Variants in DMD observed in about 807,000 individuals in gnomAD.
The protein encoded by DMD is dystrophin, also known as mutant dystrophin.
In DMD, 63 loss-of-function variants were observed where a neutral mutation model predicts 330.1. The ratio of observed to expected loss-of-function variants is 0.19; its 90% confidence interval spans 0.16 to 0.24. The LOEUF (loss-of-function observed/expected upper bound fraction) is 0.24. DMD is among the 10% of genes least tolerant of loss of function. DMD has a pLI of 1.00. For synonymous variants in DMD, 1,223 were observed against 959.8 expected (o/e 1.27, Z -5.07); for missense variants, 3,344 against 2,684.1 (o/e 1.25, Z -5.43).
At chrX:31,715,319 C>G (rs1314761383) in intron 52 of DMD, among the ~76,000 whole-genome samples, 2 of 107,011 alleles carry the variant, frequency 1.9e-5, no homozygotes, top group East Asian at 3.0e-4. Context: ...CCGAGACGGG[C>G]GGATCACGAG....
At chrX:32,595,505 C>A (rs761019336) in intron 13 of DMD, among the ~76,000 whole-genome samples, 2 of 111,213 alleles carry the variant, frequency 1.8e-5, no homozygotes, top group Non-Finnish European at 3.8e-5. Flanking sequence ...GCTTCCCAGC[C>A]TTATTTAATA....
At chrX:33,279,800 A>G (rs2053295094) in intron 1 of DMD, among the ~76,000 whole-genome samples, 1 of 110,791 alleles carries the variant, frequency 9.0e-6, no homozygotes, top group Non-Finnish European at 1.9e-5. Flanking sequence ...CCATTTTACT[A>G]ATGGTTGTTG....
chrX:32,404,632 T>C (rs930216239), intron 30 of DMD, among the ~76,000 whole-genome samples: 1 of 111,557 alleles, frequency 9.0e-6, no homozygotes, highest in Non-Finnish European at 1.9e-5. Flanking sequence ...CAGGTGCCCA[T>C]GTTGGGTTGT....
intron 1 of DMD, among the ~76,000 whole-genome samples, chrX:33,029,981 C>G (rs1489296550): frequency 9.0e-6 from 1 of 111,403 alleles, no homozygotes. Flanking sequence ...GTCAAATAAC[C>G]TGAGTTCCAA....
intron 44 of DMD, among the ~76,000 whole-genome samples, chrX:32,125,054 G>A (rs2096655146): frequency 1.8e-5 from 2 of 110,547 alleles, no homozygotes; most frequent in African/African-American, 6.6e-5. Context: ...ACATAGCAAA[G>A]GACAGACTAT....
At chrX:32,256,188 G>C in intron 43 of DMD, among the ~76,000 whole-genome samples, 1 of 111,146 alleles carries the variant, frequency 9.0e-6, no homozygotes, top group African/African-American at 3.3e-5. Flanking sequence ...TATATATTTA[G>C]AATAGTTAGT....
At chrX:33,312,689 C>G (rs1394928767) in intron 1 of DMD, among the ~76,000 whole-genome samples, 1 of 111,711 alleles carries the variant, frequency 9.0e-6, no homozygotes, top group Non-Finnish European at 1.9e-5. Flanking sequence ...CTGGGAGCCT[C>G]TGCTCATAAC....
At chrX:32,545,948 A>G (rs1035321024) in intron 16 of DMD, among the ~76,000 whole-genome samples, 1 of 109,703 alleles carries the variant, frequency 9.1e-6, no homozygotes, top group Non-Finnish European at 1.9e-5. Context: ...CAAATGCTAA[A>G]AAACACACTA....
chrX:32,265,848 G>A (rs903426060), intron 43 of DMD, among the ~76,000 whole-genome samples: 57 of 112,311 alleles, frequency 5.1e-4, no homozygotes, highest in Admixed American at 9.4e-4. Context: ...TACCTAGAAA[G>A]TAACTAACTT....
Position 32,486,846 on chromosome X carries a change from C to T in DMD, c.2623-1747G>A, listed in dbSNP as rs1283518829. Among the ~76,000 whole-genome samples, 3 of 105,802 alleles carry T rather than the reference C, an allele frequency of 2.8e-5. No homozygotes were observed. The Admixed American group carries it at 3.1e-4, about 11-fold the overall frequency. The allele number at this position is 105,802 out of a possible 115,157, so 91.9% of individuals were successfully genotyped here. A position where few individuals can be genotyped will look rare whatever the true frequency, so the allele number is the denominator to read the frequency against. ...CCTTCCTTACAACTTATACAAAAAT[C>T]AATTCAAGATGGATTAAAGATTTAA... On this transcript the variant is annotated intron_variant, in intron 20 of 78. Transcript: ENST00000357033.
chrX:31,839,327 G>A (rs749479180), intron 48 of DMD, among the ~76,000 whole-genome samples: 22 of 112,158 alleles, frequency 2.0e-4, no homozygotes, highest in African/African-American at 6.8e-4. Flanking sequence ...ATCCCTGGAA[G>A]TGCCTAACAC....
chrX:31,313,586 G>A (rs1023116764), intron 62 of DMD, among the ~76,000 whole-genome samples: 4 of 111,553 alleles, frequency 3.6e-5, no homozygotes, highest in African/African-American at 1.3e-4. Flanking sequence ...GGGATGTATT[G>A]CATAGTGGTG....
At chrX:32,194,256 T>G (rs2606669) in intron 44 of DMD, among the ~76,000 whole-genome samples, 1 of 110,726 alleles carries the variant, frequency 9.0e-6, no homozygotes, top group East Asian at 2.9e-4. Context: ...TTTGGATGGA[T>G]GTGTTTTGAC....
chrX:32,200,786 G>A (rs1318741117), intron 44 of DMD, among the ~76,000 whole-genome samples: 1 of 105,146 alleles, frequency 9.5e-6, no homozygotes, highest in Non-Finnish European at 1.9e-5. Context: ...TATACTCAGT[G>A]CCCATCTCAA....
intron 55 of DMD, among the ~76,000 whole-genome samples, chrX:31,547,339 A>G (rs924592247): frequency 1.4e-4 from 16 of 112,474 alleles, no homozygotes; most frequent in African/African-American, 5.2e-4. Flanking sequence ...TGAAATAGAC[A>G]AACTAACAGT....
chrX:32,592,694 C>T (rs2055057116), intron 13 of DMD, among the ~76,000 whole-genome samples: 1 of 112,270 alleles, frequency 8.9e-6, no homozygotes, highest in African/African-American at 3.2e-5. Context: ...AACATGCCCC[C>T]CACTCACCAT....
chrX:32,457,642 G>A (rs778895209), intron 25 of DMD, among the ~76,000 whole-genome samples: 2 of 109,762 alleles, frequency 1.8e-5, no homozygotes, highest in South Asian at 8.0e-4. Context: ...CTTATATGCA[G>A]GTCAGTGGGA....
rs777294707 is a variant in DMD, at chrX:31,894,804, T to C, written c.6913-19431A>G. Among the ~76,000 whole-genome samples, 86 of 111,913 alleles carry C rather than the reference T, an allele frequency of 7.7e-4. 1 individual carries two copies. Among genetic ancestry groups the C allele is most frequent in the Admixed American group, 9.5e-4 (10 of 10,521 alleles). ...ATGTTTGTATGAACTGAAGCTGGAA[T>C]TAAAACAACAAATCTGAAGCCATGG... On this transcript the variant is annotated intron_variant, in intron 47 of 78. Transcript: ENST00000357033.
intron 49 of DMD, among the ~76,000 whole-genome samples, chrX:31,831,725 AG>A (rs1666742181): frequency 3.6e-5 from 4 of 110,655 alleles, no homozygotes; most frequent in Admixed American, 9.6e-5. Flanking sequence ...CAGCCTCCCG[AG>A]TAGCTGGGAC....
Sources: gnomAD v4.1 joint callset for allele counts (sites outside exome capture counted in the v4.1 genomes callset) on GRCh38, gnomAD v4.1.1 for gene constraint, MANE v1.5 for transcripts, NCBI Gene and HGNC (gene_info 2026-07-23, HGNC 2026-07-21) for gene names.